Variants in RNF19A observed in about 807,000 individuals in gnomAD.
RNF19A encodes the protein E3 ubiquitin-protein ligase RNF19A.
Under a neutral mutation model 75.7 loss-of-function variants are expected in RNF19A, and 32 were observed. The ratio of observed to expected loss-of-function variants is 0.42; its 90% CI spans 0.32 to 0.57. The LOEUF (loss-of-function observed/expected upper bound fraction) is 0.57. Among genes scored for constraint, RNF19A ranks in the 20% least tolerant of loss-of-function variants. The pLI, the probability that RNF19A is intolerant of heterozygous loss-of-function variation, is 0.10. For synonymous variants in RNF19A, 335 were observed against 345.2 expected (o/e 0.97, Z 0.33); for missense variants, 782 against 1,036.3 (o/e 0.75, Z 3.37).
intron 2 of RNF19A, among the ~76,000 whole-genome samples, chr8:100,279,015 T>C (rs1430427232): frequency 6.6e-6 from 1 of 152,168 alleles, no homozygotes; most frequent in Admixed American, 6.5e-5. Flanking sequence ...AATAATTAAA[T>C]TTTAAAACAG....
Position 100,275,116 on chromosome 8 carries a change from A to G in RNF19A, c.720T>C (p.Thr240=), listed in dbSNP as rs369507392. The G allele has an allele frequency of 3.1e-5, 50 of 1,614,164 alleles. No homozygotes were observed. The highest frequency in any genetic ancestry group is 2.2e-5 in the East Asian group (1 of 44,884). The change falls in exon 3 of 10, where the codon ACT becomes ACC. Residue 240 remains threonine (T), a synonymous_variant. Coordinates refer to ENST00000341084, the MANE Select transcript of RNF19A (RefSeq NM_183419.4). This position sits in a 1 kb window ranked among gnomAD's most constrained non-coding sequence, Gnocchi z 4.3. ...AFGCASCPKL[T]CGREGCGTEF... ...CTGTTCCACAGCCCTCTCGCCCACAAGTTAATTTTGGACAGCTGGCACATC... is the reference window on the plus strand; with the variant it reads ...CTGTTCCACAGCCCTCTCGCCCACAGGTTAATTTTGGACAGCTGGCACATC...
chr8:100,288,196 G>C lies in RNF19A; in HGVS notation c.-22C>G. ...GCATTCACATTAAGTCATGATGTAAGAATATCCTACTTGGTTCCTTCAGAG... is the reference window on the plus strand; with the variant it reads ...GCATTCACATTAAGTCATGATGTAACAATATCCTACTTGGTTCCTTCAGAG... On this transcript the variant is annotated 5_prime_UTR_variant, in exon 2 of 10. Coordinates refer to ENST00000341084, the MANE Select transcript of RNF19A (RefSeq NM_183419.4). 1 of 1,567,310 alleles carries C rather than the reference G, an allele frequency of 6.4e-7. No individual in the cohort carries two copies. The highest frequency in any genetic ancestry group is 2.3e-5 in the East Asian group (1 of 44,320).
At chr8:100,292,598 T>G (rs1287861550) in intron 1 of RNF19A, among the ~76,000 whole-genome samples, 1 of 152,122 alleles carries the variant, frequency 6.6e-6, no homozygotes, top group East Asian at 1.9e-4. Flanking sequence ...CCTTGCCCAC[T>G]CTAAGATTAT....
intron 1 of RNF19A, among the ~76,000 whole-genome samples, chr8:100,301,890 G>A (rs1254905022): frequency 6.6e-6 from 1 of 152,198 alleles, no homozygotes; most frequent in Non-Finnish European, 1.5e-5. Context: ...GCATTTAGCA[G>A]AGACCTGAAG....
At chr8:100,301,635 T>C (rs180828257) in intron 1 of RNF19A, among the ~76,000 whole-genome samples, 1 of 152,336 alleles carries the variant, frequency 6.6e-6, no homozygotes, top group East Asian at 1.9e-4. Flanking sequence ...TACTCCTCTT[T>C]CAAGGCCCAA....
chr8:100,310,210 C>T (rs1302870592), upstream of RNF19A: 1 of 985,138 alleles, frequency 1.0e-6, no homozygotes, highest in African/African-American at 1.7e-5. Context: ...GTCATGGCGT[C>T]ACGCCCACCG....
At chr8:100,319,506 G>A (rs1029461048) in intron 1 of RNF19A, among the ~76,000 whole-genome samples, 14 of 139,416 alleles carry the variant, frequency 1.0e-4, no homozygotes, top group Admixed American at 2.7e-4. Flanking sequence ...CTGCTATCCT[G>A]AAGTTTTACC....
chr8:100,335,094 G>A (rs2130431339), intron 1 of RNF19A, among the ~76,000 whole-genome samples: 1 of 152,310 alleles, frequency 6.6e-6, no homozygotes. Context: ...TCAAGGAAAA[G>A]TAATTACGTA....
chr8:100,258,327 C>T lies in RNF19A; in HGVS notation c.*229G>A. On this transcript the variant is annotated 3_prime_UTR_variant, in exon 10 of 10. Transcript: ENST00000341084. The surrounding 1 kb of genome is among the most constrained non-coding windows in gnomAD (Gnocchi z 4.3). ...GCAAACACACAAAACATGCTTTGCTCTTCAAATTTATTATCCTTAAAATAA... is the reference window on the plus strand; with the variant it reads ...GCAAACACACAAAACATGCTTTGCTTTTCAAATTTATTATCCTTAAAATAA... 2.2e-6 allele frequency: 1 copy of T among 456,050 alleles called. No homozygotes were observed. Among genetic ancestry groups the T allele is most frequent in the Non-Finnish European group, 3.8e-6 (1 of 260,212 alleles). The allele number at this position is 456,050 out of a possible 1,614,324, so 28.3% of individuals were successfully genotyped here. A position where few individuals can be genotyped will look rare whatever the true frequency, so the allele number is the denominator to read the frequency against.
rs561454427 is a variant in RNF19A, at chr8:100,323,816, A to C, written c.-242-10444T>G. On this transcript the variant is annotated intron_variant, in intron 1 of 3. Coordinates refer to the RNF19A transcript ENST00000519527. The surrounding 1 kb of genome is among the most constrained non-coding windows in gnomAD (Gnocchi z 4.6). The stretch of plus-strand genomic sequence containing the variant: ...GCCCTGTGTTAACTTGTTGAAATTC[A>C]TACTTGGGAGTTTTCAATAAACATC... Among the ~76,000 whole-genome samples the C allele has an allele frequency of 1.3e-5, 2 of 152,350 alleles. No homozygotes were observed. Among genetic ancestry groups the C allele is most frequent in the African/African-American group, 4.8e-5 (2 of 41,584 alleles).
At chr8:100,267,707 GC>G (rs1820050850) in intron 5 of RNF19A, among the ~76,000 whole-genome samples, 1 of 134,212 alleles carries the variant, frequency 7.5e-6, no homozygotes. Context: ...ATGGAGTTTT[GC>G]TCTTGTTGCC....
chr8:100,327,097 A>G (rs1163575177), intron 1 of RNF19A, among the ~76,000 whole-genome samples: 1 of 152,142 alleles, frequency 6.6e-6, no homozygotes, highest in African/African-American at 2.4e-5. Flanking sequence ...AAAAAGTCCC[A>G]CACATCTTTG....
chr8:100,270,794 C>T (rs1214689402), intron 3 of RNF19A, among the ~76,000 whole-genome samples: 2 of 152,124 alleles, frequency 1.3e-5, no homozygotes, highest in Non-Finnish European at 2.9e-5. Flanking sequence ...TTTATTCACC[C>T]ATTTACTCAA....
chr8:100,298,818 T>C (rs930352964), intron 1 of RNF19A, among the ~76,000 whole-genome samples: 10 of 152,176 alleles, frequency 6.6e-5, no homozygotes, highest in African/African-American at 2.4e-4. Context: ...CTCATTCAAT[T>C]TCTCCAATAA....
At chr8:100,289,047 G>C (rs78342209) in intron 1 of RNF19A, among the ~76,000 whole-genome samples, 1 of 135,046 alleles carries the variant, frequency 7.4e-6, no homozygotes, top group Non-Finnish European at 1.5e-5. Context: ...GCAACAGTGC[G>C]AGACTCCATC....
chr8:100,313,928 CTG>C (rs1291049350), upstream of RNF19A, among the ~76,000 whole-genome samples: 5 of 102,286 alleles, frequency 4.9e-5, no homozygotes, highest in African/African-American at 1.4e-4. Flanking sequence ...GAGTCTTACT[CTG>C]TCACCCAGTG....
At chr8:100,273,134 T>G (rs1455137349) in intron 3 of RNF19A, among the ~76,000 whole-genome samples, 1 of 152,202 alleles carries the variant, frequency 6.6e-6, no homozygotes, top group Non-Finnish European at 1.5e-5. Context: ...CCCAAAGTGC[T>G]GGGATTACAG....
rs1403939641 is a variant in RNF19A at position 100,258,799 on chromosome 8, G to A, written c.2274C>T (p.Asn758=). The A allele has an allele frequency of 2.5e-6, 4 of 1,614,194 alleles. No individual in the cohort carries two copies. Among genetic ancestry groups the A allele is most frequent in the East Asian group, 2.2e-5 (1 of 44,882 alleles). Residue 758 remains asparagine (N), a synonymous_variant, in exon 10 of 10, where the codon AAC becomes AAT. Coordinates refer to ENST00000341084, the MANE Select transcript of RNF19A (RefSeq NM_183419.4). The surrounding 1 kb of genome is among the most constrained non-coding windows in gnomAD (Gnocchi z 4.3). ...SDYHTRFATV[N]ILPEVENDRL... ...GGTCATTTTCTACCTCAGGAAGAAT[G>A]TTAACAGTAGCAAAGCGGGTGTGAT...
At chr8:100,290,016 T>C (rs935366957) in intron 1 of RNF19A, among the ~76,000 whole-genome samples, 1 of 152,104 alleles carries the variant, frequency 6.6e-6, no homozygotes, top group Admixed American at 6.5e-5. Context: ...AAAGAGTATG[T>C]GGTATAATTC....
Sources: allele counts gnomAD v4.1 joint callset (sites outside exome capture counted in the v4.1 genomes callset), GRCh38; gene constraint gnomAD v4.1.1; non-coding constraint Gnocchi (gnomAD v3.1); transcripts MANE v1.5; gene names NCBI Gene and HGNC (gene_info 2026-07-23, HGNC 2026-07-21).